PDZD2: variants seen among roughly 807,000 people sequenced by gnomAD.
PDZD2 encodes PDZ domain containing 2.
In PDZD2, 90 loss-of-function variants were observed where a neutral mutation model predicts 220.7. That is an observed-to-expected ratio of 0.41 (90% CI 0.34 to 0.49). PDZD2 has a LOEUF of 0.49. PDZD2 is among the 20% of genes least tolerant of loss of function. PDZD2 has a pLI of 0.28. For synonymous variants in PDZD2, 1,375 were observed against 1,450.5 expected, an observed-to-expected ratio of 0.95 and a Z score of 1.18; for missense variants, 3,174 against 3,608.5, an observed-to-expected ratio of 0.88 and a Z score of 3.08.
chr5:31,782,919 G>A (rs1403511665), intron 1 of PDZD2, among the ~76,000 whole-genome samples: 2 of 151,734 alleles, frequency 1.3e-5, no homozygotes, highest in Admixed American at 1.3e-4. Flanking sequence ...TCACCATGTT[G>A]GCCAGGCTGC....
chr5:31,767,398 A>T (rs560430430), intron 1 of PDZD2, among the ~76,000 whole-genome samples: 1 of 152,338 alleles, frequency 6.6e-6, no homozygotes, highest in African/African-American at 2.4e-5. Flanking sequence ...CTTGAAGAAG[A>T]CCATGTGGTA....
At chr5:31,940,027 G>C (rs1241965312) in intron 2 of PDZD2, among the ~76,000 whole-genome samples, 2 of 152,220 alleles carry the variant, frequency 1.3e-5, no homozygotes, top group African/African-American at 4.8e-5. Context: ...CTGTGGCTTT[G>C]TGTTTACATA....
Position 32,109,505 on chromosome 5 carries a change from G to C in PDZD2, c.*1370G>C, listed in dbSNP as rs1313593778. The stretch of plus-strand genomic sequence containing the variant: ...ACATAGCTGGCTTTTCTCTCCTCAT[G>C]ATGTACCTTATTTTCTTAGGTAAAT... On this transcript the variant is annotated 3_prime_UTR_variant, in exon 25 of 25. Transcript: ENST00000438447. 1 of 152,088 alleles carries C rather than the reference G, an allele frequency of 6.6e-6. No individual in the cohort carries two copies. The highest frequency in any genetic ancestry group is 1.5e-5 in the Non-Finnish European group (1 of 68,024). The allele number at this position is 152,088 out of a possible 1,614,324, so 9.4% of individuals were successfully genotyped here.
chr5:32,025,746 GC>G (rs1754607193), intron 6 of PDZD2, among the ~76,000 whole-genome samples: 1 of 150,862 alleles, frequency 6.6e-6, no homozygotes, highest in Non-Finnish European at 1.5e-5. Flanking sequence ...GATTACAGGT[GC>G]CCTCCACAAT....
chr5:32,036,814 T>TG (rs1237140808), intron 6 of PDZD2, among the ~76,000 whole-genome samples: 5 of 152,360 alleles, frequency 3.3e-5, no homozygotes, highest in Non-Finnish European at 5.9e-5. Context: ...ACTTGCATTG[T>TG]GGGAAAAAGC....
intron 2 of PDZD2, among the ~76,000 whole-genome samples, chr5:31,879,156 G>C (rs1739620212): frequency 6.6e-6 from 1 of 151,818 alleles, no homozygotes; most frequent in Non-Finnish European, 1.5e-5. Flanking sequence ...GGGAGGCCGA[G>C]GCGGGCGGAT....
intron 1 of PDZD2, chr5:31,725,913 G>A (rs146352767): frequency 1.7e-4 from 120 of 690,866 alleles, no homozygotes; most frequent in Middle Eastern, 4.2e-4. Flanking sequence ...TCACAGGGCC[G>A]TTCCTCCAGC....
In PDZD2 at chr5:32,088,249, A is replaced by T. The variant is rs914364970; in HGVS notation, c.4801A>T (p.Ile1601Phe). The change falls in exon 20 of 25, where the codon ATT (isoleucine) becomes TTT (phenylalanine). Residue 1601 changes from isoleucine (I) to phenylalanine (F), a missense_variant. This residue lies in a region of PDZD2 where 1,861 missense variants were observed against 2,001.0 expected (regional missense o/e 0.93). Transcript: ENST00000438447. This position sits in a 1 kb window ranked among gnomAD's most constrained non-coding sequence, Gnocchi z 4.6. ...GGAGTCAGAAGAGGAACAGATTGAG[A>T]TTTGTTCCACACGTGGCTGCCCCAA... is the stretch of plus-strand genomic sequence containing the variant. ...PSESEEEQIEICSTRGCPNPP... is the reference protein window; with the variant it reads ...PSESEEEQIEFCSTRGCPNPP... 5 of 1,613,924 alleles carry T rather than the reference A, an allele frequency of 3.1e-6. No individual in the cohort carries two copies. The Admixed American group carries it at 8.3e-5, about 27-fold the overall frequency.
At chr5:31,720,722 T>C (rs1300951938) in intron 1 of PDZD2, among the ~76,000 whole-genome samples, 1 of 152,210 alleles carries the variant, frequency 6.6e-6, no homozygotes, top group Non-Finnish European at 1.5e-5. Flanking sequence ...GTGTAACTTC[T>C]ACTTGGCCTC....
At chr5:31,651,504 T>C (rs1396665129) in intron 1 of PDZD2, among the ~76,000 whole-genome samples, 1 of 152,198 alleles carries the variant, frequency 6.6e-6, no homozygotes, top group African/African-American at 2.4e-5. Context: ...GTATGTGCTG[T>C]TCTCATGGGG....
chr5:31,747,854 A>T (rs1750697028), intron 1 of PDZD2: 1 of 152,724 alleles, frequency 6.5e-6, no homozygotes, highest in Non-Finnish European at 1.5e-5. Flanking sequence ...GCCAGCCAGC[A>T]TTCTGTACCA....
intron 6 of PDZD2, 122 bp downstream of exon 6, chr5:32,010,604 A>G: frequency 1.3e-6 from 1 of 760,602 alleles, no homozygotes; most frequent in Non-Finnish European, 2.4e-6. Flanking sequence ...AAAAGACACC[A>G]GTGCATTCTT....
rs185115803 is a variant in PDZD2, at chr5:32,038,252, C to T, written c.1519+910C>T. Among the ~76,000 whole-genome samples, 14 of 92,368 alleles carry T rather than the reference C, an allele frequency of 1.5e-4. No individual in the cohort carries two copies. The East Asian group carries it at 2.2e-3, about 14-fold the overall frequency. The allele number at this position is 92,368 out of a possible 152,430, so 60.6% of individuals were successfully genotyped here. ...TTGGTATAAAGATACAGCTGGAGGC[C>T]GGGCGCGGTGGCTCACACCTGTAAT... On this transcript the variant is annotated intron_variant, in intron 7 of 24. Coordinates refer to ENST00000438447, the MANE Select transcript of PDZD2 (RefSeq NM_178140.4).
chr5:32,086,053 C>T (rs1378913891), intron 19 of PDZD2, among the ~76,000 whole-genome samples: 3 of 152,266 alleles, frequency 2.0e-5, no homozygotes, highest in East Asian at 1.9e-4. Flanking sequence ...TCAAGTCTTC[C>T]TGGGATAATC....
intron 6 of PDZD2, among the ~76,000 whole-genome samples, chr5:32,036,206 T>C (rs1755540224): frequency 6.6e-6 from 1 of 152,192 alleles, no homozygotes; most frequent in Non-Finnish European, 1.5e-5. Context: ...GACCTCGTGA[T>C]CCGCCCACCT....
intron 1 of PDZD2, among the ~76,000 whole-genome samples, chr5:31,718,942 C>T (rs140428859): frequency 5.9e-5 from 9 of 152,154 alleles, no homozygotes; most frequent in East Asian, 1.9e-4. Context: ...CCTTGTGATC[C>T]GTCTGCCTTG....
chr5:31,653,011 C>A (rs1745409938), intron 1 of PDZD2, among the ~76,000 whole-genome samples: 1 of 150,040 alleles, frequency 6.7e-6, no homozygotes, highest in African/African-American at 2.5e-5. Context: ...GACTTCATCT[C>A]AAAAAAAAAG....
At chr5:31,903,662 AAG>A (rs1280454435) in intron 2 of PDZD2, among the ~76,000 whole-genome samples, 15 of 113,224 alleles carry the variant, frequency 1.3e-4, no homozygotes, top group African/African-American at 3.4e-4. Flanking sequence ...AAAAAAAAAA[AAG>A]AAAGAAAAAA....
At chr5:32,092,080 C>T (rs146897293) in intron 20 of PDZD2, among the ~76,000 whole-genome samples, 3,330 of 152,230 alleles carry the variant, frequency 0.022, 131 homozygotes, top group African/African-American at 0.077. Flanking sequence ...TCAAGACCAG[C>T]CTGGCCAACA....
Sources: gnomAD v4.1 joint callset for allele counts (sites outside exome capture counted in the v4.1 genomes callset) on GRCh38, gnomAD v4.1.1 for gene constraint, gnomAD v4.1.1 regional missense constraint, Gnocchi (gnomAD v3.1) non-coding constraint, MANE v1.5 for transcripts, NCBI Gene and HGNC (gene_info 2026-07-23, HGNC 2026-07-21) for gene names.